Variants in ZNF133 observed in about 807,000 individuals in gnomAD.
ZNF133 encodes the protein zinc finger protein 133, also known as zinc finger protein 133 (clone pHZ-13).
In ZNF133, 26 loss-of-function variants were observed where a neutral mutation model predicts 54.9. That is an observed-to-expected ratio of 0.47 (90% CI 0.35 to 0.66). The LOEUF is 0.66. Ranked by LOEUF, ZNF133 falls within the 30% of genes least tolerant of loss-of-function variation. The pLI is 0.01. For missense variants in ZNF133, 653 were observed against 820.8 expected (o/e 0.80, Z 2.50); for synonymous variants, 298 against 320.3 (o/e 0.93, Z 0.74).
chr20:18,301,037 A>G (rs2043261692), intron 3 of ZNF133, among the ~76,000 whole-genome samples: 1 of 152,196 alleles, frequency 6.6e-6, no homozygotes, highest in South Asian at 2.1e-4. Context: ...ATTTTGCAGG[A>G]TAGACTAAAT....
intron 3 of ZNF133, among the ~76,000 whole-genome samples, chr20:18,303,844 T>C (rs758628101): frequency 2.0e-5 from 3 of 152,184 alleles, no homozygotes; most frequent in Non-Finnish European, 4.4e-5. Context: ...AAATTGTAGA[T>C]GAAAACCTAG....
At chr20:18,290,211 G>C (rs1185995359) in intron 1 of ZNF133, 2 of 152,246 alleles carry the variant, frequency 1.3e-5, no homozygotes, top group Non-Finnish European at 2.9e-5. Flanking sequence ...CTTGTTTTAA[G>C]AGTGATCATT....
At chr20:18,293,412 G>A (rs559881668) in intron 1 of ZNF133, among the ~76,000 whole-genome samples, 1 of 152,240 alleles carries the variant, frequency 6.6e-6, no homozygotes, top group Admixed American at 6.5e-5. Context: ...TCCAGGTAGT[G>A]TAAGGGCTTC....
At chr20:18,302,139 G>A (rs1351379427) in intron 3 of ZNF133, among the ~76,000 whole-genome samples, 3 of 152,124 alleles carry the variant, frequency 2.0e-5, no homozygotes, top group Admixed American at 2.0e-4. Context: ...GGTGGCTCAT[G>A]CCTGTAATCC....
intron 1 of ZNF133, among the ~76,000 whole-genome samples, chr20:18,292,698 C>A (rs546262196): frequency 1.6e-4 from 24 of 152,314 alleles, no homozygotes; most frequent in Admixed American, 1.2e-3. Context: ...GTAATTGGCC[C>A]ATCTTTCTCC....
chr20:18,291,687 CCTT>C (rs931696417), intron 1 of ZNF133, among the ~76,000 whole-genome samples: 7 of 151,886 alleles, frequency 4.6e-5, no homozygotes, highest in East Asian at 1.9e-4. Context: ...CCTACTGTCT[CCTT>C]CTTCACATTT....
rs1388754861 is a variant in ZNF133, at chr20:18,310,373, C to G, written c.217+3980C>G. The G allele has an allele frequency of 3.4e-6, 5 of 1,449,418 alleles. No individual in the cohort carries two copies. The African/African-American group carries it at 4.3e-5, about 13-fold the overall frequency. The allele number at this position is 1,449,418 out of a possible 1,614,324, so 89.8% of individuals were successfully genotyped here. On this transcript the variant is annotated intron_variant, in intron 6 of 6. Coordinates refer to ENST00000425686, the MANE Select transcript of ZNF133 (RefSeq NM_001352452.2). ...GACTTGGATTTAAGACAGGCAATAT[C>G]AGAATCCTCAAAATAGGCTAGTTAC...
At chr20:18,297,949 A>C in intron 1 of ZNF133, 36 bp from the exon 2 acceptor site, 1 of 1,403,716 alleles carries the variant, frequency 7.1e-7, no homozygotes, top group Non-Finnish European at 9.7e-7. Flanking sequence ...GAGCATTTCT[A>C]CCTGACACCC....
At chr20:18,297,174 C>T (rs1439281050) in intron 1 of ZNF133, among the ~76,000 whole-genome samples, 3 of 152,000 alleles carry the variant, frequency 2.0e-5, no homozygotes, top group African/African-American at 7.2e-5. Flanking sequence ...GTCTGTTTTC[C>T]TTTCCAGCTT....
chr20:18,311,739 A>T (rs2147749510), intron 6 of ZNF133, among the ~76,000 whole-genome samples: 2 of 152,320 alleles, frequency 1.3e-5, no homozygotes, highest in South Asian at 4.1e-4. Flanking sequence ...TTAGAAATTG[A>T]AAAACAACTT....
chr20:18,314,237 A>T (rs2046861763), intron 6 of ZNF133: 1 of 152,158 alleles, frequency 6.6e-6, no homozygotes, highest in African/African-American at 2.4e-5. Flanking sequence ...CTACCTCGTT[A>T]CTCATATTGC....
chr20:18,309,151 G>A (rs1414340597), intron 6 of ZNF133, among the ~76,000 whole-genome samples: 1 of 152,086 alleles, frequency 6.6e-6, no homozygotes, highest in East Asian at 1.9e-4. Flanking sequence ...TTGGATTAGG[G>A]CCCACCCTTA....
Position 18,315,387 on chromosome 20 carries a change from A to T in ZNF133, c.536A>T (p.Asn179Ile). 1 of 1,614,184 alleles carries T rather than the reference A, an allele frequency of 6.2e-7. No individual in the cohort carries two copies. The highest frequency in any genetic ancestry group is 8.5e-7 in the Non-Finnish European group (1 of 1,180,032). ...CAGAGGCAGCCAGTCAGCTCTCGGA[A>T]CGGCCTCAGAGGGGTGGAGTTAGAA... ...PPQRQPVSSRNGLRGVELEAS... is the reference protein window; with the variant it reads ...PPQRQPVSSRIGLRGVELEAS... The change falls in exon 7 of 7, where the codon AAC becomes ATC. Residue 179 changes from asparagine (N) to isoleucine (I), a missense_variant. Physicochemically the swap from Asn to Ile is moderately radical, Grantham distance 149. Coordinates refer to ENST00000425686, the MANE Select transcript of ZNF133 (RefSeq NM_001352452.2).
chr20:18,297,906 G>C, intron 1 of ZNF133, 79 bp from the exon 2 acceptor site: 3 of 918,190 alleles, frequency 3.3e-6, no homozygotes, highest in Non-Finnish European at 5.0e-6. Flanking sequence ...CAGTTGTGGG[G>C]TTAAAGAGCA....
Position 18,316,185 on chromosome 20 carries a change from G to A in ZNF133, c.1334G>A (p.Arg445Gln), listed in dbSNP as rs559109592. 2.2e-5 allele frequency: 36 copies of A among 1,609,360 alleles called. 1 individual carries two copies. The South Asian group carries it at 2.8e-4, about 12-fold the overall frequency. The change falls in exon 7 of 7, where the codon CGA (arginine) becomes CAA (glutamine). Residue 445 changes from arginine (R) to glutamine (Q), a missense_variant. Physicochemically the swap from Arg to Gln is conservative, Grantham distance 43. Coordinates refer to ENST00000425686, the MANE Select transcript of ZNF133 (RefSeq NM_001352452.2). ...CCGTATGTTTGTGGGGTGTGTGGGC[G>A]AGGCTTTAGTCTCAAGTCACACCTC... is the stretch of plus-strand genomic sequence containing the variant. ...EKPYVCGVCGRGFSLKSHLNR... is the reference protein window; with the variant it reads ...EKPYVCGVCGQGFSLKSHLNR...
At chr20:18,310,283 G>C (rs2045578846) in intron 6 of ZNF133, 1 of 1,533,500 alleles carries the variant, frequency 6.5e-7, no homozygotes, top group Non-Finnish European at 8.7e-7. Context: ...AAATATATGT[G>C]TAACGGGAGG....
At chr20:18,313,453 G>T (rs946226247) in intron 6 of ZNF133, 4 of 152,208 alleles carry the variant, frequency 2.6e-5, no homozygotes, top group South Asian at 2.1e-4. Context: ...GGTATTACCT[G>T]TGTCAAAATT....
At chr20:18,297,112 T>C (rs2042376144) in intron 1 of ZNF133, among the ~76,000 whole-genome samples, 1 of 152,228 alleles carries the variant, frequency 6.6e-6, no homozygotes, top group African/African-American at 2.4e-5. Flanking sequence ...TACTTTTAAA[T>C]ATTTCCGTTG....
In ZNF133 at chr20:18,315,502, A is replaced by C. The variant is rs559436586; in HGVS notation, c.651A>C (p.Gly217=). ...TAGGATTTGGAACAGTCAACTGTGGAGAGTGTGGACTGAGCTTCAGCAAGA... is the reference window on the plus strand; with the variant it reads ...TAGGATTTGGAACAGTCAACTGTGGCGAGTGTGGACTGAGCTTCAGCAAGA... ...EVLGFGTVNC[G]ECGLSFSKMT... The change falls in exon 7 of 7, where the codon GGA becomes GGC. Residue 217 remains glycine, a synonymous_variant. Transcript: ENST00000425686. 3.3e-5 allele frequency: 53 copies of C among 1,614,194 alleles called. No individual in the cohort carries two copies. In the South Asian group the frequency reaches 5.2e-4, roughly 16 times the overall value.
Sources: allele counts gnomAD v4.1 joint callset (sites outside exome capture counted in the v4.1 genomes callset), GRCh38; gene constraint gnomAD v4.1.1; transcripts MANE v1.5; gene names NCBI Gene and HGNC (gene_info 2026-07-23, HGNC 2026-07-21).